Variants in GRIA3 observed in about 807,000 individuals in gnomAD.
GRIA3 encodes the protein glutamate ionotropic receptor AMPA type subunit 3.
A neutral mutation model predicts 63.0 loss-of-function variants in GRIA3; 3 were observed. The ratio of observed to expected loss-of-function variants is 0.05; its 90% CI spans 0.02 to 0.12. The LOEUF (loss-of-function observed/expected upper bound fraction) is 0.12. GRIA3 is among the 10% of genes least tolerant of loss of function. The pLI is 1.00. For missense variants in GRIA3, 347 were observed against 700.9 expected (o/e 0.50, Z 5.70); for synonymous variants, 274 against 257.9 (o/e 1.06, Z -0.60).
chrX:123,374,070 A>G (rs1330482497), intron 5 of GRIA3, among the ~76,000 whole-genome samples: 1 of 111,914 alleles, frequency 8.9e-6, no homozygotes, highest in Non-Finnish European at 1.9e-5. Flanking sequence ...AGCTTTCTAC[A>G]TATGGCTAGC....
At chrX:123,441,496 G>C (rs1236788086) in intron 12 of GRIA3, among the ~76,000 whole-genome samples, 1 of 111,231 alleles carries the variant, frequency 9.0e-6, no homozygotes, top group Non-Finnish European at 1.9e-5. Flanking sequence ...CTTACATTTT[G>C]CATGTGAAGG....
chrX:123,331,956 C>G (rs769194424), intron 4 of GRIA3, among the ~76,000 whole-genome samples: 1 of 111,663 alleles, frequency 9.0e-6, no homozygotes, highest in African/African-American at 3.3e-5. Context: ...AGTAGGTACT[C>G]AGTAACTGAT....
intron 13 of GRIA3, among the ~76,000 whole-genome samples, chrX:123,468,273 C>T (rs1050292504): frequency 2.8e-5 from 3 of 108,367 alleles, no homozygotes; most frequent in East Asian, 2.9e-4. Flanking sequence ...GTTACCACTA[C>T]GTATTAGTGA....
chrX:123,320,491 T>C (rs2044860984), intron 3 of GRIA3, among the ~76,000 whole-genome samples: 2 of 110,905 alleles, frequency 1.8e-5, no homozygotes, highest in South Asian at 3.9e-4. Context: ...AGTTTTAATA[T>C]GGGGAAAGAG....
At chrX:123,237,195 G>T (rs2044306237) in intron 2 of GRIA3, among the ~76,000 whole-genome samples, 2 of 111,921 alleles carry the variant, frequency 1.8e-5, no homozygotes, top group African/African-American at 3.2e-5. Flanking sequence ...GAATGAATAA[G>T]AAGTATCTGA....
intron 5 of GRIA3, among the ~76,000 whole-genome samples, chrX:123,389,073 T>G (rs914309485): frequency 3.6e-5 from 4 of 112,509 alleles, no homozygotes; most frequent in Non-Finnish European, 5.6e-5. Flanking sequence ...CTTTGTGGCC[T>G]GAGAAGATAT....
At chrX:123,315,954 T>A (rs1045353203) in intron 3 of GRIA3, among the ~76,000 whole-genome samples, 4 of 107,499 alleles carry the variant, frequency 3.7e-5, no homozygotes, top group African/African-American at 1.4e-4. Context: ...GGCAGGTGGA[T>A]TGCTTGAGCC....
At chrX:123,372,633 G>A (rs1032404905) in intron 5 of GRIA3, among the ~76,000 whole-genome samples, 5 of 110,915 alleles carry the variant, frequency 4.5e-5, no homozygotes, top group Admixed American at 9.6e-5. Context: ...TTTATTTGTG[G>A]CTATTATAAA....
chrX:123,261,189 AC>A (rs1433224368), intron 3 of GRIA3, among the ~76,000 whole-genome samples: 10 of 110,740 alleles, frequency 9.0e-5, no homozygotes, highest in Non-Finnish European at 3.8e-5. Context: ...ACATTAAACT[AC>A]CCTTTCAGAA....
intron 5 of GRIA3, among the ~76,000 whole-genome samples, chrX:123,371,758 TA>T: frequency 9.0e-6 from 1 of 111,684 alleles, no homozygotes; most frequent in East Asian, 2.8e-4. Context: ...TAGAGTTCCT[TA>T]TATGTTCTGA....
chrX:123,212,579 G>C (rs991585422), intron 2 of GRIA3, among the ~76,000 whole-genome samples: 5 of 111,792 alleles, frequency 4.5e-5, no homozygotes, highest in Non-Finnish European at 7.5e-5. Flanking sequence ...ATGACAAAGA[G>C]TTTGCTGTTG....
chrX:123,264,001 C>T (rs2147290116), intron 3 of GRIA3, among the ~76,000 whole-genome samples: 1 of 111,851 alleles, frequency 8.9e-6, no homozygotes, highest in South Asian at 3.8e-4. Flanking sequence ...TAAATAAAGG[C>T]TTAGATGAAT....
intron 3 of GRIA3, among the ~76,000 whole-genome samples, chrX:123,278,383 C>T (rs897249479): frequency 8.9e-6 from 1 of 112,372 alleles, no homozygotes; most frequent in Non-Finnish European, 1.9e-5. Context: ...TGTGTCCCCA[C>T]TCTGTTGATT....
At chrX:123,441,905 A>C (rs1306157158) in intron 12 of GRIA3, among the ~76,000 whole-genome samples, 1 of 112,164 alleles carries the variant, frequency 8.9e-6, no homozygotes, top group Non-Finnish European at 1.9e-5. Flanking sequence ...GTCAGAGAGA[A>C]TAAACTGCCC....
At chrX:123,274,299 G>A (rs183017661) in intron 3 of GRIA3, among the ~76,000 whole-genome samples, 1 of 111,931 alleles carries the variant, frequency 8.9e-6, no homozygotes, top group Non-Finnish European at 1.9e-5. Flanking sequence ...GTTCCGCTGC[G>A]CATAACCATC....
chrX:123,283,969 G>A (rs1198902786), intron 3 of GRIA3, among the ~76,000 whole-genome samples: 1 of 112,657 alleles, frequency 8.9e-6, no homozygotes, highest in African/African-American at 3.2e-5. Context: ...CCTCCCAACA[G>A]GGGGCAAAAG....
chrX:123,286,846 C>G (rs1256879483), intron 3 of GRIA3, among the ~76,000 whole-genome samples: 1 of 111,908 alleles, frequency 8.9e-6, no homozygotes, highest in African/African-American at 3.3e-5. Flanking sequence ...CAAAGAGGAG[C>G]TGGTACCATT....
intron 12 of GRIA3, among the ~76,000 whole-genome samples, chrX:123,463,722 AAG>A (rs748689728): frequency 2.4e-5 from 2 of 82,081 alleles, no homozygotes; most frequent in Non-Finnish European, 4.8e-5. Context: ...GAAAGAAAGA[AAG>A]AGAAAGAAGA....
intron 2 of GRIA3, among the ~76,000 whole-genome samples, chrX:123,209,875 A>AT (rs1429050866): frequency 5.4e-5 from 6 of 111,001 alleles, no homozygotes; most frequent in Non-Finnish European, 9.4e-5. Flanking sequence ...TGACAGACAG[A>AT]TTACAGGTTG....
Sources: allele counts gnomAD v4.1 joint callset (sites outside exome capture counted in the v4.1 genomes callset), GRCh38; gene constraint gnomAD v4.1.1; transcripts MANE v1.5; gene names NCBI Gene and HGNC (gene_info 2026-07-23, HGNC 2026-07-21).